PCDHGB5: variants seen among roughly 807,000 people sequenced by gnomAD.
The protein encoded by PCDHGB5 is protocadherin gamma-B5.
Under a neutral mutation model 62.9 loss-of-function variants are expected in PCDHGB5, and 48 were observed. The ratio of observed to expected loss-of-function variants is 0.76; its 90% CI spans 0.61 to 0.97. The LOEUF (loss-of-function observed/expected upper bound fraction) is 0.97. PCDHGB5 is among the 50% of genes least tolerant of loss of function. PCDHGB5 has a pLI of 0.00. For synonymous variants in PCDHGB5, 474 were observed against 511.2 expected (o/e 0.93, Z 0.98); for missense variants, 1,118 against 1,198.6 (o/e 0.93, Z 0.99).
chr5:141,445,608 C>T (rs2098472204), intron 1 of PCDHGB5, among the ~76,000 whole-genome samples: 1 of 152,108 alleles, frequency 6.6e-6, no homozygotes, highest in South Asian at 2.1e-4. Context: ...TCAAGGAAGG[C>T]TTTCTTTTTT....
chr5:141,410,505 A>T (rs2095401601), intron 1 of PCDHGB5: 1 of 1,613,848 alleles, frequency 6.2e-7, no homozygotes, highest in Non-Finnish European at 8.5e-7. Flanking sequence ...AATTTCCTAA[A>T]ATGCAGTGTG....
Position 141,476,369 on chromosome 5 carries a change from G to A in PCDHGB5, c.2398-18438G>A, listed in dbSNP as rs1178923246. 1.9e-6 allele frequency: 3 copies of A among 1,614,098 alleles called. No homozygotes were observed. The African/African-American group carries it at 4.0e-5, about 22-fold the overall frequency. ...CTTTGAGGTGAACCGGGAGACCGGA[G>A]AGATGTTTGTGAACGACCGTCTGGA... On this transcript the variant is annotated intron_variant, in intron 1 of 3. Transcript: ENST00000617380. This position sits in a 1 kb window ranked among gnomAD's most constrained non-coding sequence, Gnocchi z 7.6.
Position 141,432,794 on chromosome 5 carries a change from G to C in PCDHGB5, c.2397+32270G>C. 3 of 1,614,138 alleles carry C rather than the reference G, an allele frequency of 1.9e-6. No homozygotes were observed. The highest frequency in any genetic ancestry group is 1.7e-5 in the Admixed American group (1 of 60,026). ...AGTCCTGGCGGACCTCGGCAGCCTC[G>C]AGTCTCCAGCTAACTCTGAAACCTC... On this transcript the variant is annotated intron_variant, in intron 1 of 3. Coordinates refer to ENST00000617380, the MANE Select transcript of PCDHGB5 (RefSeq NM_018925.3). The surrounding 1 kb of genome is among the most constrained non-coding windows in gnomAD (Gnocchi z 6.0).
At chr5:141,421,444 A>T in intron 1 of PCDHGB5, 1 of 1,614,020 alleles carries the variant, frequency 6.2e-7, no homozygotes, top group Non-Finnish European at 8.5e-7. Flanking sequence ...CAGAGGGAAG[A>T]CACAGCTTTT....
chr5:141,413,442 C>T, intron 1 of PCDHGB5: 5 of 1,614,090 alleles, frequency 3.1e-6, no homozygotes, highest in Non-Finnish European at 8.5e-7. Flanking sequence ...GCAGCTTGAT[C>T]ACCGCGGGCA....
intron 1 of PCDHGB5, chr5:141,403,283 G>A: frequency 6.2e-7 from 1 of 1,613,914 alleles, no homozygotes; most frequent in South Asian, 1.1e-5. Context: ...AGTCCTGGTT[G>A]AAGACAGAGT....
At chr5:141,441,764 C>T (rs1407504024) in intron 1 of PCDHGB5, 1 of 384,478 alleles carries the variant, frequency 2.6e-6, no homozygotes, top group South Asian at 2.1e-5. Context: ...TGAGCCTGCG[C>T]GTGTTGGTGG....
intron 1 of PCDHGB5, among the ~76,000 whole-genome samples, chr5:141,458,065 GA>G (rs541812590): frequency 3.5e-3 from 534 of 152,242 alleles, no homozygotes; most frequent in Middle Eastern, 6.8e-3. Context: ...GCACTGATGC[GA>G]ACAACTATAT....
rs756430299 is a variant in PCDHGB5, at chr5:141,400,256, G to T, written c.2129G>T (p.Arg710Leu). ...GCCGTGATTCTGGCCGTTGCCTTGC[G>T]CCTGCGACGCTCCTCCAGCCCTGCC... ...LLAVILAVALRLRRSSSPAAW... is the reference protein window; with the variant it reads ...LLAVILAVALLLRRSSSPAAW... Residue 710 changes from arginine to leucine, a missense_variant, in exon 1 of 4, where the codon CGC becomes CTC. By Grantham distance (102) the Arg-to-Leu change is moderately radical. Coordinates refer to ENST00000617380, the MANE Select transcript of PCDHGB5 (RefSeq NM_018925.3). 8.1e-6 allele frequency: 13 copies of T among 1,613,868 alleles called. No homozygotes were observed. Among genetic ancestry groups the T allele is most frequent in the Non-Finnish European group, 1.1e-5 (13 of 1,179,902 alleles).
rs148150333 is a variant in PCDHGB5, at chr5:141,399,810, C to T, written c.1683C>T (p.Pro561=). Reference sequence around the variant, plus strand: ...ACAACGCACCGCGGGTGCTGTACCCCGCGCTGGGTCCCGACGGCTCTGCGC... The same window carrying T: ...ACAACGCACCGCGGGTGCTGTACCCTGCGCTGGGTCCCGACGGCTCTGCGC... ...RNDNAPRVLY[P]ALGPDGSALF... The change falls in exon 1 of 4, where the codon CCC becomes CCT. Residue 561 remains proline, a synonymous_variant. Transcript: ENST00000617380. 3.9e-5 allele frequency: 63 copies of T among 1,613,194 alleles called. No homozygotes were observed. Among genetic ancestry groups the T allele is most frequent in the Non-Finnish European group, 4.9e-5 (58 of 1,179,760 alleles).
chr5:141,491,571 C>G lies in PCDHGB5; in HGVS notation c.2398-3236C>G. The G allele has an allele frequency of 6.2e-7, 1 of 1,614,026 alleles. No individual in the cohort carries two copies. The highest frequency in any genetic ancestry group is 8.5e-7 in the Non-Finnish European group (1 of 1,180,042). ...CGCAGAGCCACTGCTACAGGACGTG[C>G]TTTTCACCGGCCTCGGACGGCAGTG... On this transcript the variant is annotated intron_variant, in intron 1 of 3. Transcript: ENST00000617380. This position sits in a 1 kb window ranked among gnomAD's most constrained non-coding sequence, Gnocchi z 6.9.
intron 1 of PCDHGB5, chr5:141,430,923 A>C (rs2097325574): frequency 6.2e-7 from 1 of 1,607,168 alleles, no homozygotes; most frequent in African/African-American, 1.3e-5. Context: ...CTGGGGCTGG[A>C]GCCCCGGGAG....
chr5:141,403,262 G>C (rs1162911439), intron 1 of PCDHGB5: 1 of 1,613,868 alleles, frequency 6.2e-7, no homozygotes, highest in Middle Eastern at 1.6e-4. Context: ...GCGGTGTCTG[G>C]TGAACTTTAA....
At chr5:141,508,906 G>A (rs2099872897) in intron 3 of PCDHGB5, among the ~76,000 whole-genome samples, 1 of 152,092 alleles carries the variant, frequency 6.6e-6, no homozygotes, top group Non-Finnish European at 1.5e-5. Context: ...CGGGGCGGTG[G>A]CGGATCTGGC....
rs576937130 is a variant in PCDHGB5 at position 141,427,508 on chromosome 5, G to A, written c.2397+26984G>A. ...ATAAGCTTGTAACAGATGGGACCCT[G>A]GATTGGGAGCGGATCCCGGAGTACA... On this transcript the variant is annotated intron_variant, in intron 1 of 3. Transcript: ENST00000617380. 9.9e-4 allele frequency: 584 copies of A among 587,058 alleles called. 6 individuals carry two copies. The highest frequency in any genetic ancestry group is 3.0e-4 in the Non-Finnish European group (94 of 311,294). The allele number at this position is 587,058 out of a possible 1,614,324, so 36.4% of individuals were successfully genotyped here.
chr5:141,421,548 G>A, intron 1 of PCDHGB5: 19 of 1,613,984 alleles, frequency 1.2e-5, no homozygotes, highest in Non-Finnish European at 1.6e-5. Flanking sequence ...TTTTAAATAT[G>A]GAACTTCTCG....
At chr5:141,422,488 A>G in intron 1 of PCDHGB5, 1 of 1,614,000 alleles carries the variant, frequency 6.2e-7, no homozygotes, top group Non-Finnish European at 8.5e-7. Context: ...GAGCTACAAT[A>G]TAACGTTGAC....
chr5:141,477,506 G>T lies in PCDHGB5; in HGVS notation c.2398-17301G>T, dbSNP rs766083208. 6.2e-7 allele frequency: 1 copy of T among 1,614,028 alleles called. No homozygotes were observed. The highest frequency in any genetic ancestry group is 8.5e-7 in the Non-Finnish European group (1 of 1,180,016). On this transcript the variant is annotated intron_variant, in intron 1 of 3. Coordinates refer to ENST00000617380, the MANE Select transcript of PCDHGB5 (RefSeq NM_018925.3). This position sits in a 1 kb window ranked among gnomAD's most constrained non-coding sequence, Gnocchi z 4.9. ...ACAATCTTCTCAATCTTCCTACGAC[G>T]TTTACATTGAAGAAAACAACCTCCC...
At chr5:141,429,169 T>TACACACACACACACACACAAAC (rs2097191391) in intron 1 of PCDHGB5, 1 of 145,394 alleles carries the variant, frequency 6.9e-6, no homozygotes, top group East Asian at 2.0e-4. Flanking sequence ...ACATTGTTTA[T>TACACACACACACACACACAAAC]ACACACACAC....
Sources: allele counts gnomAD v4.1 joint callset (sites outside exome capture counted in the v4.1 genomes callset), GRCh38; gene constraint gnomAD v4.1.1; non-coding constraint Gnocchi (gnomAD v3.1); transcripts MANE v1.5; gene names NCBI Gene and HGNC (gene_info 2026-07-23, HGNC 2026-07-21).